PSMD14: variants seen among roughly 807,000 people sequenced by gnomAD.
The protein encoded by PSMD14 is ubiquitin C-terminal hydrolase PSMD14.
PSMD14 carries 7 observed loss-of-function variants against 41.2 expected under a neutral mutation model. The observed-to-expected ratio is 0.17, with a 90% CI of 0.10 to 0.32. PSMD14 has a LOEUF of 0.32. PSMD14 is among the 10% of genes least tolerant of loss of function. PSMD14 has a pLI of 1.00. For missense variants in PSMD14, 139 were observed against 375.6 expected, an observed-to-expected ratio of 0.37 and a Z score of 5.21; for synonymous variants, 114 against 122.3, an observed-to-expected ratio of 0.93 and a Z score of 0.45.
At chr2:161,393,149 G>T (rs546597415) in intron 9 of PSMD14, among the ~76,000 whole-genome samples, 42 of 152,060 alleles carry the variant, frequency 2.8e-4, no homozygotes, top group Admixed American at 7.9e-4. Flanking sequence ...GGGTCGCAAG[G>T]GAATCCTTGT....
At chr2:161,345,488 C>T (rs1286739620) in intron 3 of PSMD14, among the ~76,000 whole-genome samples, 2 of 151,874 alleles carry the variant, frequency 1.3e-5, no homozygotes, top group East Asian at 1.9e-4. Context: ...AGCAATCTGC[C>T]GACCTCAAGC....
chr2:161,339,455 G>A (rs925332181), intron 3 of PSMD14, among the ~76,000 whole-genome samples: 2 of 148,052 alleles, frequency 1.4e-5, no homozygotes, highest in African/African-American at 5.0e-5. Context: ...ATATATTCAT[G>A]TGTTGCCTGG....
chr2:161,395,670 C>T (rs1683783770), intron 10 of PSMD14, among the ~76,000 whole-genome samples: 1 of 152,118 alleles, frequency 6.6e-6, no homozygotes, highest in Admixed American at 6.6e-5. Flanking sequence ...CCAGGCATAT[C>T]ATACATGTAT....
intron 10 of PSMD14, among the ~76,000 whole-genome samples, chr2:161,406,455 C>A (rs1683948363): frequency 6.6e-6 from 1 of 152,132 alleles, no homozygotes; most frequent in South Asian, 2.1e-4. Context: ...ACAGAAGTTC[C>A]CTAGTGAGGA....
chr2:161,409,189 C>G (rs1032737359), intron 11 of PSMD14, among the ~76,000 whole-genome samples: 5 of 151,920 alleles, frequency 3.3e-5, no homozygotes, highest in Non-Finnish European at 5.9e-5. Flanking sequence ...TTTTTACCTA[C>G]AGATAAATAA....
chr2:161,340,038 T>A (rs1315919564), intron 3 of PSMD14, among the ~76,000 whole-genome samples: 1 of 152,232 alleles, frequency 6.6e-6, no homozygotes, highest in Non-Finnish European at 1.5e-5. Flanking sequence ...TTCTAACTAA[T>A]CTATCAAACT....
intron 3 of PSMD14, among the ~76,000 whole-genome samples, chr2:161,343,907 T>C (rs775255168): frequency 3.9e-5 from 6 of 152,320 alleles, no homozygotes; most frequent in Non-Finnish European, 5.9e-5. Flanking sequence ...CCATGGGTTC[T>C]GCATCCATGG....
chr2:161,393,702 T>C (rs1683747715), intron 9 of PSMD14, among the ~76,000 whole-genome samples: 1 of 151,944 alleles, frequency 6.6e-6, no homozygotes, highest in African/African-American at 2.4e-5. Flanking sequence ...ATAGCCATCA[T>C]TTTTTTTCTT....
In PSMD14 at chr2:161,359,836, A is replaced by G. The variant is rs548374339; in HGVS notation, c.49-7642A>G. Among the ~76,000 whole-genome samples, 93 of 152,346 alleles carry G rather than the reference A, an allele frequency of 6.1e-4. 1 individual carries two copies. In the South Asian group the frequency reaches 7.7e-3, roughly 13 times the overall value. ...GATGGCGTACTGTACTGGAAAGTAT[A>G]TTACTAGCGTCAGAAGTTGCATTTT... is the stretch of plus-strand genomic sequence containing the variant. On this transcript the variant is annotated intron_variant, in intron 3 of 11. Coordinates refer to ENST00000409682, the MANE Select transcript of PSMD14 (RefSeq NM_005805.6).
At chr2:161,358,637 T>C (rs188210214) in intron 3 of PSMD14, among the ~76,000 whole-genome samples, 30 of 152,302 alleles carry the variant, frequency 2.0e-4, no homozygotes, top group Non-Finnish European at 1.6e-4. Flanking sequence ...TTTTTCTCCT[T>C]AAGTTTTTTC....
chr2:161,386,084 T>G (rs1683631919), intron 8 of PSMD14, among the ~76,000 whole-genome samples: 1 of 151,860 alleles, frequency 6.6e-6, no homozygotes, highest in African/African-American at 2.4e-5. Context: ...AGAGTTTATG[T>G]CTTGTTTTTT....
At chr2:161,345,452 A>G (rs1267707532) in intron 3 of PSMD14, among the ~76,000 whole-genome samples, 1 of 151,998 alleles carries the variant, frequency 6.6e-6, no homozygotes. Context: ...TATGTTGCCC[A>G]GGCTGGTCTC....
chr2:161,352,800 A>G (rs1683138011), intron 3 of PSMD14, among the ~76,000 whole-genome samples: 1 of 152,218 alleles, frequency 6.6e-6, no homozygotes, highest in African/African-American at 2.4e-5. Context: ...ATGTAATTAT[A>G]TTTGAAAAAT....
intron 3 of PSMD14, among the ~76,000 whole-genome samples, chr2:161,335,330 AT>A (rs2105238550): frequency 6.6e-6 from 1 of 152,280 alleles, no homozygotes; most frequent in African/African-American, 2.4e-5. Context: ...AATATATTAT[AT>A]TTAGCTGCCC....
intron 10 of PSMD14, among the ~76,000 whole-genome samples, chr2:161,404,574 A>G (rs1274996767): frequency 6.6e-6 from 1 of 151,834 alleles, no homozygotes; most frequent in Non-Finnish European, 1.5e-5. Context: ...TACGTCATTG[A>G]TCATTTCCTT....
intron 7 of PSMD14, among the ~76,000 whole-genome samples, chr2:161,376,242 C>G (rs1267981081): frequency 6.6e-6 from 1 of 151,364 alleles, no homozygotes; most frequent in African/African-American, 2.4e-5. Context: ...CAAGCCTTAC[C>G]TAATTTTCTT....
At chr2:161,403,701 A>G (rs991366403) in intron 10 of PSMD14, among the ~76,000 whole-genome samples, 1 of 151,848 alleles carries the variant, frequency 6.6e-6, no homozygotes, top group African/African-American at 2.4e-5. Flanking sequence ...ATACTGAGTA[A>G]TTTGCAGTTC....
chr2:161,317,325 A>C (rs987210550), intron 2 of PSMD14, among the ~76,000 whole-genome samples: 1 of 152,282 alleles, frequency 6.6e-6, no homozygotes, highest in African/African-American at 2.4e-5. Context: ...TAAAAAAGGA[A>C]TTTTTAAAAT....
At chr2:161,341,240 A>G in intron 3 of PSMD14, 1 of 992,620 alleles carries the variant, frequency 1.0e-6, no homozygotes, top group Non-Finnish European at 1.2e-6. Context: ...CGGCCGCCCC[A>G]CGCCGCACCA....
Sources: allele counts gnomAD v4.1 joint callset (sites outside exome capture counted in the v4.1 genomes callset), GRCh38; gene constraint gnomAD v4.1.1; transcripts MANE v1.5; gene names NCBI Gene and HGNC (gene_info 2026-07-23, HGNC 2026-07-21).